The following USP28 variants were observed in gnomAD, a reference collection of about 807,000 sequenced individuals.
USP28 encodes ubiquitin carboxyl-terminal hydrolase 28.
USP28 carries 113 observed loss-of-function variants against 145.0 expected under a neutral mutation model. The ratio of observed to expected loss-of-function variants is 0.78; its 90% CI spans 0.67 to 0.91. The LOEUF is 0.91. Among genes scored for constraint, USP28 ranks in the 40% least tolerant of loss-of-function variants. The probability of loss-of-function intolerance (pLI) is 0.00; values close to 1 mark genes in which losing one functional copy is unlikely to be tolerated. For synonymous variants in USP28, 447 were observed against 450.9 expected, an observed-to-expected ratio of 0.99 and a Z score of 0.11; for missense variants, 1,201 against 1,289.6, an observed-to-expected ratio of 0.93 and a Z score of 1.05.
At chr11:113,850,978 A>G (rs1256017020) in intron 3 of USP28, among the ~76,000 whole-genome samples, 1 of 152,138 alleles carries the variant, frequency 6.6e-6, no homozygotes, top group East Asian at 1.9e-4. Flanking sequence ...AATCTGCTCC[A>G]CCTACAGTGA....
At chr11:113,808,786 C>A (rs185610986) in intron 17 of USP28, among the ~76,000 whole-genome samples, 85 of 152,270 alleles carry the variant, frequency 5.6e-4, no homozygotes, top group African/African-American at 1.9e-3. Flanking sequence ...ACCTATTAAC[C>A]CTATCATAGT....
At chr11:113,863,062 TA>T (rs1397895514) in intron 1 of USP28, among the ~76,000 whole-genome samples, 3 of 151,982 alleles carry the variant, frequency 2.0e-5, no homozygotes, top group African/African-American at 7.3e-5. Context: ...GAATAAAAAA[TA>T]AATGGCACCT....
rs545055371 is a variant in USP28 at position 113,831,066 on chromosome 11, G to C, written c.834-123C>G. On this transcript the variant is annotated intron_variant, in intron 8 of 24. Transcript: ENST00000003302. ...CATCAACCCCCAAAGAGCCAGGTATGATCTAAATAAGTAACAATTAGTTCA... is the reference window on the plus strand; with the variant it reads ...CATCAACCCCCAAAGAGCCAGGTATCATCTAAATAAGTAACAATTAGTTCA... 5.7e-6 allele frequency: 5 copies of C among 871,934 alleles called. No individual in the cohort carries two copies. In the African/African-American group the frequency reaches 8.4e-5, roughly 15 times the overall value. The allele number at this position is 871,934 out of a possible 1,614,324, so 54.0% of individuals were successfully genotyped here.
intron 2 of USP28, among the ~76,000 whole-genome samples, chr11:113,853,374 A>T (rs1355279280): frequency 6.6e-6 from 1 of 150,610 alleles, no homozygotes; most frequent in Non-Finnish European, 1.5e-5. Flanking sequence ...CTTGTTTTTA[A>T]TGTTTTATGA....
At chr11:113,826,555 C>G (rs1216157054) in intron 11 of USP28, among the ~76,000 whole-genome samples, 1 of 151,680 alleles carries the variant, frequency 6.6e-6, no homozygotes, top group Non-Finnish European at 1.5e-5. Flanking sequence ...TATCTGCCCT[C>G]CTCGTCCTCC....
At chr11:113,867,537 T>C (rs1010368254) in intron 1 of USP28, among the ~76,000 whole-genome samples, 1 of 151,858 alleles carries the variant, frequency 6.6e-6, no homozygotes, top group Admixed American at 6.6e-5. Context: ...TTTAAAATAA[T>C]TTTATGTTAT....
intron 1 of USP28, among the ~76,000 whole-genome samples, chr11:113,868,900 T>G (rs1948549856): frequency 7.0e-6 from 1 of 142,738 alleles, no homozygotes; most frequent in Non-Finnish European, 1.5e-5. Context: ...TACTCCAGCC[T>G]AGGTGACAGA....
chr11:113,855,736 GC>G (rs1380006502), intron 1 of USP28, among the ~76,000 whole-genome samples: 1 of 152,076 alleles, frequency 6.6e-6, no homozygotes, highest in Non-Finnish European at 1.5e-5. Flanking sequence ...GACCAACATG[GC>G]CCCGTCTCTA....
chr11:113,829,570 G>T, intron 9 of USP28: 1 of 500,268 alleles, frequency 2.0e-6, no homozygotes, highest in Non-Finnish European at 3.4e-6. Context: ...GCTTATGCCT[G>T]TAATCCCACC....
chr11:113,808,185 A>C (rs1158987139), intron 18 of USP28, 49 bp from the exon 19 acceptor site: 4 of 1,531,318 alleles, frequency 2.6e-6, no homozygotes, highest in African/African-American at 2.8e-5. Flanking sequence ...AGGAGAAATA[A>C]ATAGGGGTTG....
Position 113,841,890 on chromosome 11 carries a change from A to T in USP28, c.269-122T>A, listed in dbSNP as rs1296410079. ...TACAACAATGGCTCAACTGTGTAAC[A>T]ATTTTATTACCCTACTGCATAGTCA... On this transcript the variant is annotated intron_variant, in intron 3 of 24. Transcript: ENST00000003302. 5.5e-6 allele frequency: 3 copies of T among 545,150 alleles called. No homozygotes were observed. In the East Asian group the frequency reaches 9.5e-5, roughly 17 times the overall value. 33.8% of individuals were successfully genotyped at this position (545,150 alleles called of 1,614,324 possible). A position where few individuals can be genotyped will look rare whatever the true frequency, so the allele number is the denominator to read the frequency against.
chr11:113,864,710 T>C (rs1379988597), intron 1 of USP28, among the ~76,000 whole-genome samples: 1 of 151,936 alleles, frequency 6.6e-6, no homozygotes, highest in East Asian at 1.9e-4. Flanking sequence ...CATTAGGGAG[T>C]TCAAACTGCT....
At chr11:113,842,943 A>G (rs2136219488) in intron 3 of USP28, among the ~76,000 whole-genome samples, 1 of 152,292 alleles carries the variant, frequency 6.6e-6, no homozygotes, top group East Asian at 1.9e-4. Flanking sequence ...GGCAGGCAAT[A>G]AGAACTTTTG....
intron 1 of USP28, among the ~76,000 whole-genome samples, chr11:113,867,178 T>C (rs1369620688): frequency 2.6e-5 from 4 of 152,196 alleles, no homozygotes; most frequent in African/African-American, 7.2e-5. Context: ...AAAGTTTTCT[T>C]TCAGGGTAAT....
At chr11:113,806,071 G>A (rs1328088865) in intron 19 of USP28, among the ~76,000 whole-genome samples, 2 of 150,824 alleles carry the variant, frequency 1.3e-5, no homozygotes, top group South Asian at 2.1e-4. Flanking sequence ...TGGGACTACA[G>A]GTATGTGCTA....
intron 9 of USP28, 163 bp from the exon 10 acceptor site, chr11:113,829,508 G>GACACTGA (rs1369571222): frequency 2.6e-6 from 2 of 765,548 alleles, no homozygotes; most frequent in Non-Finnish European, 4.1e-6. Context: ...AGTCAATCTA[G>GACACTGA]ACACTGAACA....
chr11:113,874,463 A>G (rs1489309834), intron 1 of USP28: 1 of 1,121,006 alleles, frequency 8.9e-7, no homozygotes, highest in Non-Finnish European at 1.2e-6. Context: ...TCTCCATGCT[A>G]AATACTACTG....
At chr11:113,815,410 T>C (rs113814068) in intron 13 of USP28, 28 bp from the exon 14 acceptor site, 22 of 1,597,962 alleles carry the variant, frequency 1.4e-5, no homozygotes, top group Non-Finnish European at 1.8e-5. Flanking sequence ...CATGCTCATA[T>C]GATAATTTCC....
chr11:113,805,002 C>T, exon 20 of USP28: 8 of 1,614,062 alleles, frequency 5.0e-6, no homozygotes, highest in Non-Finnish European at 6.8e-6. Context: ...AGGTGGGGGT[C>T]TCTTTGGCAA....
Sources: gnomAD v4.1 joint callset for allele counts (sites outside exome capture counted in the v4.1 genomes callset) on GRCh38, gnomAD v4.1.1 for gene constraint, MANE v1.5 for transcripts, NCBI Gene and HGNC (gene_info 2026-07-23, HGNC 2026-07-21) for gene names.